Variants in FHL2 observed in about 807,000 individuals in gnomAD.
The protein encoded by FHL2 is four and a half LIM domains protein 2.
FHL2 carries 20 observed loss-of-function variants against 32.7 expected under a neutral mutation model. That is an observed-to-expected ratio of 0.61 (90% CI 0.43 to 0.89). FHL2 has a LOEUF of 0.89. Ranked by LOEUF, FHL2 falls within the 40% of genes least tolerant of loss-of-function variation. The probability of loss-of-function intolerance (pLI) is 0.00; values close to 1 mark genes in which losing one functional copy is unlikely to be tolerated. For missense variants in FHL2, 311 were observed against 358.6 expected, an observed-to-expected ratio of 0.87 and a Z score of 1.07; for synonymous variants, 123 against 128.1, an observed-to-expected ratio of 0.96 and a Z score of 0.27.
intron 2 of FHL2, among the ~76,000 whole-genome samples, chr2:105,388,902 C>T (rs1205732600): frequency 6.6e-6 from 1 of 152,008 alleles, no homozygotes; most frequent in Non-Finnish European, 1.5e-5. Flanking sequence ...TCTAAGAAAA[C>T]TTGGTTCAAT....
intron 3 of FHL2, among the ~76,000 whole-genome samples, chr2:105,383,559 GC>G (rs1682056688): frequency 6.6e-6 from 1 of 152,092 alleles, no homozygotes; most frequent in African/African-American, 2.4e-5. Flanking sequence ...ATTCCCATAG[GC>G]ATGCCAACAT....
chr2:105,388,226 A>G (rs1334553543), intron 2 of FHL2, among the ~76,000 whole-genome samples: 1 of 152,172 alleles, frequency 6.6e-6, no homozygotes, highest in Non-Finnish European at 1.5e-5. Flanking sequence ...GTTTACCTGT[A>G]TAACAAACCT....
chr2:105,398,912 C>G lies in FHL2; in HGVS notation c.-146G>C. 1 of 1,537,692 alleles carries G rather than the reference C, an allele frequency of 6.5e-7. No individual in the cohort carries two copies. The highest frequency in any genetic ancestry group is 8.7e-7 in the Non-Finnish European group (1 of 1,145,296). ...ACCGGATTCGGCCCCCACTTCCGAG[C>G]CCTGGTGGCTAAGCCCCTCGGCCTC... On this transcript the variant is annotated 5_prime_UTR_variant, in exon 1 of 7. Coordinates refer to ENST00000530340, the MANE Select transcript of FHL2 (RefSeq NM_001318895.3).
At chr2:105,427,970 T>C (rs550456752) in intron 1 of FHL2, among the ~76,000 whole-genome samples, 11 of 152,372 alleles carry the variant, frequency 7.2e-5, no homozygotes, top group African/African-American at 2.2e-4. Flanking sequence ...GTCTACTTTA[T>C]TCTTATTGCT....
At chr2:105,422,005 C>T (rs571942373) in intron 1 of FHL2, among the ~76,000 whole-genome samples, 119 of 152,286 alleles carry the variant, frequency 7.8e-4, no homozygotes, top group Non-Finnish European at 1.4e-3. Context: ...GGTCCTGTTG[C>T]GTGCATTGGC....
At chr2:105,377,905 G>A (rs2104552511) in intron 3 of FHL2, 1 of 384,442 alleles carries the variant, frequency 2.6e-6, no homozygotes, top group South Asian at 2.0e-5. Context: ...GCCCAGGGAG[G>A]AGGCATTACG....
intron 1 of FHL2, among the ~76,000 whole-genome samples, chr2:105,436,579 G>A (rs1447995759): frequency 1.3e-5 from 2 of 151,820 alleles, no homozygotes; most frequent in African/African-American, 2.4e-5. Context: ...TATATGTTTT[G>A]TTAATTATTA....
At chr2:105,427,015 A>G (rs1684289859) in intron 1 of FHL2, among the ~76,000 whole-genome samples, 1 of 152,210 alleles carries the variant, frequency 6.6e-6, no homozygotes, top group Admixed American at 6.5e-5. Context: ...AAACTAAGCC[A>G]TCTGCAGAGA....
chr2:105,368,072 A>G (rs1036567315), intron 4 of FHL2, among the ~76,000 whole-genome samples: 3 of 152,226 alleles, frequency 2.0e-5, no homozygotes, highest in African/African-American at 7.2e-5. Context: ...GAAGTGTGGC[A>G]TAGCTCCGAT....
At chr2:105,398,725 C>T in intron 1 of FHL2, 117 bp downstream of exon 1, 1 of 768,564 alleles carries the variant, frequency 1.3e-6, no homozygotes, top group Non-Finnish European at 1.9e-6. Context: ...CAGGGTTCGG[C>T]TCTCCTCTCC....
chr2:105,419,383 C>T (rs1050094794), intron 1 of FHL2, among the ~76,000 whole-genome samples: 7 of 152,152 alleles, frequency 4.6e-5, no homozygotes, highest in Non-Finnish European at 8.8e-5. Flanking sequence ...CAAGAGTCCC[C>T]AAAGTCTATT....
chr2:105,436,382 C>A (rs964105322), intron 1 of FHL2, among the ~76,000 whole-genome samples: 1 of 152,034 alleles, frequency 6.6e-6, no homozygotes, highest in South Asian at 2.1e-4. Flanking sequence ...AAATCTTTAT[C>A]CTTTTTTACT....
intron 1 of FHL2, among the ~76,000 whole-genome samples, chr2:105,422,626 C>G (rs1205705110): frequency 7.5e-6 from 1 of 132,522 alleles, no homozygotes; most frequent in Non-Finnish European, 1.6e-5. Context: ...ATTGTTGTGA[C>G]AGATGTGATT....
At chr2:105,425,533 G>A (rs1423803386) in intron 1 of FHL2, among the ~76,000 whole-genome samples, 6 of 150,080 alleles carry the variant, frequency 4.0e-5, no homozygotes, top group Admixed American at 6.6e-5. Flanking sequence ...CAGTTGAGAT[G>A]GAGGAAGGCC....
At chr2:105,418,658 T>G (rs1684006658) in intron 1 of FHL2, among the ~76,000 whole-genome samples, 1 of 152,200 alleles carries the variant, frequency 6.6e-6, no homozygotes, top group Non-Finnish European at 1.5e-5. Flanking sequence ...TATATCTCTC[T>G]ATAAAGTGTA....
chr2:105,412,205 G>A (rs937731124), intron 1 of FHL2, among the ~76,000 whole-genome samples: 4 of 152,232 alleles, frequency 2.6e-5, no homozygotes, highest in South Asian at 2.1e-4. Context: ...AGGTGAATGC[G>A]TGAACAACAT....
At chr2:105,409,037 G>A (rs1459558643) in intron 1 of FHL2, among the ~76,000 whole-genome samples, 1 of 152,162 alleles carries the variant, frequency 6.6e-6, no homozygotes, top group Admixed American at 6.5e-5. Flanking sequence ...GTGGGGGTAG[G>A]AATGGCTGAG....
intron 3 of FHL2, among the ~76,000 whole-genome samples, chr2:105,380,990 A>T (rs989329014): frequency 3.9e-5 from 6 of 151,984 alleles, no homozygotes; most frequent in Non-Finnish European, 7.4e-5. Flanking sequence ...GTCCTTTTTG[A>T]GACTTTAGCT....
Position 105,398,986 on chromosome 2 carries a change from G to T in FHL2, c.-220C>A, listed in dbSNP as rs772713446. 1.3e-6 allele frequency: 2 copies of T among 1,507,216 alleles called. No homozygotes were observed. The highest frequency in any genetic ancestry group is 1.8e-6 in the Non-Finnish European group (2 of 1,131,600). 93.4% of individuals were successfully genotyped at this position (1,507,216 alleles called of 1,614,324 possible). A position where few individuals can be genotyped will look rare whatever the true frequency, so the allele number is the denominator to read the frequency against. ...GGTACTCACGGCACCGCAGCGGGCC[G>T]GGGACTCCCGGACGGGGCTGGAGGG... is the stretch of plus-strand genomic sequence containing the variant. On this transcript the variant is annotated 5_prime_UTR_variant, in exon 1 of 7. Transcript: ENST00000530340.
Sources: gnomAD v4.1 joint callset for allele counts (sites outside exome capture counted in the v4.1 genomes callset) on GRCh38, gnomAD v4.1.1 for gene constraint, MANE v1.5 for transcripts, NCBI Gene and HGNC (gene_info 2026-07-23, HGNC 2026-07-21) for gene names.